The following CTNND2 variants were observed in gnomAD, a reference collection of about 807,000 sequenced individuals.
The protein encoded by CTNND2 is catenin delta 2, also known as catenin delta-2.
In CTNND2, 22 loss-of-function variants were observed where a neutral mutation model predicts 144.4. That is an observed-to-expected ratio of 0.15 (90% confidence interval 0.11 to 0.22). CTNND2 has a LOEUF of 0.22. Ranked by LOEUF, CTNND2 falls within the 10% of genes least tolerant of loss-of-function variation. The pLI, the probability that CTNND2 is intolerant of heterozygous loss-of-function variation, is 1.00. For missense variants in CTNND2, 1,353 were observed against 1,618.8 expected, an observed-to-expected ratio of 0.84 and a Z score of 2.82; for synonymous variants, 751 against 695.6, an observed-to-expected ratio of 1.08 and a Z score of -1.25.
intron 14 of CTNND2, among the ~76,000 whole-genome samples, chr5:11,104,974 C>G (rs1181159542): frequency 6.6e-6 from 1 of 152,238 alleles, no homozygotes; most frequent in Non-Finnish European, 1.5e-5. Context: ...GCACACATCC[C>G]TCAGGAGTGA....
rs137855672 is a variant in CTNND2 at position 11,149,987 on chromosome 5, T to C, written c.2159+9589A>G. Among the ~76,000 whole-genome samples, 302 of 152,316 alleles carry C rather than the reference T, an allele frequency of 2.0e-3. 3 individuals carry two copies. Among genetic ancestry groups the C allele is most frequent in the African/African-American group, 6.2e-3 (258 of 41,580 alleles). ...AAGGAGTAATGACTTTTACTTTCAATTGCTTCTCAATTCTGTTTCCAGAAT... is the reference window on the plus strand; with the variant it reads ...AAGGAGTAATGACTTTTACTTTCAACTGCTTCTCAATTCTGTTTCCAGAAT... On this transcript the variant is annotated intron_variant, in intron 12 of 21. Transcript: ENST00000304623.
chr5:11,389,036 T>C (rs943507188), intron 6 of CTNND2, among the ~76,000 whole-genome samples: 1 of 152,230 alleles, frequency 6.6e-6, no homozygotes, highest in Non-Finnish European at 1.5e-5. Flanking sequence ...TGTGTGACTC[T>C]GAAAATAAAA....
At position 11,803,092 on chromosome 5, in the gene CTNND2, C is replaced by T. The variant is rs59403691; in HGVS notation, c.38-70820G>A. 0.014 allele frequency among the ~76,000 whole-genome samples: 2,182 copies of T among 152,104 alleles called. 126 individuals carry two copies. In the East Asian group the frequency reaches 0.19, roughly 13 times the overall value. ...ATGCCAGCACTTTGGGAGGCCGAGGCGGGTGGATCACGAGGTCAGGAGATC... is the reference window on the plus strand; with the variant it reads ...ATGCCAGCACTTTGGGAGGCCGAGGTGGGTGGATCACGAGGTCAGGAGATC... On this transcript the variant is annotated intron_variant, in intron 1 of 21. Coordinates refer to ENST00000304623, the MANE Select transcript of CTNND2 (RefSeq NM_001332.4).
chr5:11,731,427 C>CT (rs1200853561), intron 2 of CTNND2, among the ~76,000 whole-genome samples: 1 of 152,124 alleles, frequency 6.6e-6, no homozygotes, highest in Non-Finnish European at 1.5e-5. Context: ...ACGCGGCAGG[C>CT]TTTTTTACTT....
Position 11,843,359 on chromosome 5 carries a change from T to C in CTNND2, c.37+60458A>G, listed in dbSNP as rs144763409. On this transcript the variant is annotated intron_variant, in intron 1 of 21. Transcript: ENST00000304623. Reference sequence around the variant, plus strand: ...AAGAACATCATCAGAGGGACTGACATTCAGGTTTGCAAATGAACATTTTTC... The same window carrying C: ...AAGAACATCATCAGAGGGACTGACACTCAGGTTTGCAAATGAACATTTTTC... 5.3e-5 allele frequency among the ~76,000 whole-genome samples: 8 copies of C among 152,300 alleles called. No individual in the cohort carries two copies. The East Asian group carries it at 1.5e-3, about 29-fold the overall frequency.
rs1367741629 is a variant in CTNND2, at chr5:11,812,987, CA to C, written c.38-80716del. ...CCCACACACATACTCATATATACAC[CA>C]AAATCTACTCATATAATCGGGTGTG... On this transcript the variant is annotated intron_variant, in intron 1 of 21. Coordinates refer to ENST00000304623, the MANE Select transcript of CTNND2 (RefSeq NM_001332.4). Among the ~76,000 whole-genome samples the C allele has an allele frequency of 1.3e-5, 2 of 152,128 alleles. 1 individual carries two copies. The highest frequency in any genetic ancestry group is 2.9e-5 in the Non-Finnish European group (2 of 68,034).
rs144531262 is a variant in CTNND2, at chr5:11,633,166, T to C, written c.175-68110A>G. On this transcript the variant is annotated intron_variant, in intron 2 of 21. Coordinates refer to ENST00000304623, the MANE Select transcript of CTNND2 (RefSeq NM_001332.4). ...AGAAGCTCAATAACTAAAAATAGAATGAACACAGAGATCCATATCCAGACA... is the reference window on the plus strand; with the variant it reads ...AGAAGCTCAATAACTAAAAATAGAACGAACACAGAGATCCATATCCAGACA... Among the ~76,000 whole-genome samples, 745 of 152,254 alleles carry C rather than the reference T, an allele frequency of 4.9e-3. 3 individuals are homozygous for C. Among genetic ancestry groups the C allele is most frequent in the Non-Finnish European group, 7.0e-3 (477 of 68,002 alleles).
chr5:11,710,447 G>A (rs1025347806), intron 2 of CTNND2, among the ~76,000 whole-genome samples: 3 of 151,872 alleles, frequency 2.0e-5, no homozygotes, highest in Admixed American at 6.6e-5. Context: ...GGCTGAGGCA[G>A]GAGAGTTGCT....
chr5:11,045,469 G>T (rs1745142271), intron 16 of CTNND2, among the ~76,000 whole-genome samples: 1 of 152,160 alleles, frequency 6.6e-6, no homozygotes, highest in African/African-American at 2.4e-5. Context: ...ATTACTGAGG[G>T]ATCTGTCCCT....
At chr5:11,261,252 C>T (rs1744828630) in intron 9 of CTNND2, among the ~76,000 whole-genome samples, 1 of 152,182 alleles carries the variant, frequency 6.6e-6, no homozygotes, top group African/African-American at 2.4e-5. Flanking sequence ...CCGTTTGTCC[C>T]AGCCTCTCAT....
intron 12 of CTNND2, among the ~76,000 whole-genome samples, chr5:11,135,047 A>G (rs769479235): frequency 6.6e-6 from 1 of 152,130 alleles, no homozygotes. Context: ...AATCTTTTAC[A>G]GTACATGTGT....
chr5:11,228,698 C>T lies in CTNND2; in HGVS notation c.1761+7993G>A, dbSNP rs77708890. 2.5e-3 allele frequency among the ~76,000 whole-genome samples: 378 copies of T among 152,038 alleles called. 2 individuals carry two copies. The highest frequency in any genetic ancestry group is 7.7e-3 in the African/African-American group (320 of 41,472). On this transcript the variant is annotated intron_variant, in intron 10 of 21. Coordinates refer to ENST00000304623, the MANE Select transcript of CTNND2 (RefSeq NM_001332.4). The stretch of plus-strand genomic sequence containing the variant: ...ACAGGGTCTGGCTATGTTGCTGATG[C>T]CGGTCTCCTGAGCTTAAGCAATCCT...
chr5:11,614,982 AC>A (rs112140549), intron 2 of CTNND2, among the ~76,000 whole-genome samples: 3,640 of 152,274 alleles, frequency 0.024, 80 homozygotes, highest in East Asian at 0.1. Context: ...GTTTTGTCTC[AC>A]CATTTAAACA....
At chr5:11,622,627 T>G (rs1243526977) in intron 2 of CTNND2, among the ~76,000 whole-genome samples, 1 of 152,114 alleles carries the variant, frequency 6.6e-6, no homozygotes, top group African/African-American at 2.4e-5. Flanking sequence ...TATAGCTCTG[T>G]CAGGTGCTTA....
intron 1 of CTNND2, among the ~76,000 whole-genome samples, chr5:11,888,203 A>G (rs1736694432): frequency 2.0e-5 from 3 of 152,374 alleles, no homozygotes; most frequent in Admixed American, 2.0e-4. Context: ...AAAATGGAAT[A>G]TTGTAAACAT....
chr5:11,788,972 TCCAACTTC>T (rs1030200694), intron 1 of CTNND2, among the ~76,000 whole-genome samples: 1 of 152,072 alleles, frequency 6.6e-6, no homozygotes, highest in Admixed American at 6.6e-5. Flanking sequence ...AATGATGGTT[TCCAACTTC>T]ATCCATGTCA....
intron 2 of CTNND2, among the ~76,000 whole-genome samples, chr5:11,605,913 G>C (rs939977938): frequency 1.3e-5 from 2 of 152,188 alleles, no homozygotes; most frequent in African/African-American, 4.8e-5. Context: ...ACTAAAGATA[G>C]ACTTAAGGTT....
At chr5:11,197,761 G>A (rs1737017283) in intron 11 of CTNND2, among the ~76,000 whole-genome samples, 1 of 152,208 alleles carries the variant, frequency 6.6e-6, no homozygotes, top group Non-Finnish European at 1.5e-5. Flanking sequence ...AAGATGTCAT[G>A]TGTCAGGGGT....
chr5:11,753,040 C>A (rs1788714631), intron 1 of CTNND2, among the ~76,000 whole-genome samples: 1 of 151,840 alleles, frequency 6.6e-6, no homozygotes, highest in Non-Finnish European at 1.5e-5. Context: ...CATTCTGAAA[C>A]TTTGCTAAAG....
Sources: allele counts gnomAD v4.1 joint callset (sites outside exome capture counted in the v4.1 genomes callset), GRCh38; gene constraint gnomAD v4.1.1; transcripts MANE v1.5; gene names NCBI Gene and HGNC (gene_info 2026-07-23, HGNC 2026-07-21).